The following RAPGEF6 variants were observed in gnomAD, a reference collection of about 807,000 sequenced individuals.
The protein encoded by RAPGEF6 is Rap guanine nucleotide exchange factor 6.
A neutral mutation model predicts 171.4 loss-of-function variants in RAPGEF6; 56 were observed. That is an observed-to-expected ratio of 0.33 (90% confidence interval 0.26 to 0.41). The LOEUF (loss-of-function observed/expected upper bound fraction) is 0.41, where lower values mean the gene tolerates loss of function less well. RAPGEF6 is among the 10% of genes least tolerant of loss of function. The pLI, the probability that RAPGEF6 is intolerant of heterozygous loss-of-function variation, is 1.00. For missense variants in RAPGEF6, 1,674 were observed against 1,921.4 expected, an observed-to-expected ratio of 0.87 and a Z score of 2.41; for synonymous variants, 692 against 650.1, an observed-to-expected ratio of 1.06 and a Z score of -0.98.
At chr5:131,455,250 G>A (rs1753397474) in intron 20 of RAPGEF6, among the ~76,000 whole-genome samples, 1 of 152,104 alleles carries the variant, frequency 6.6e-6, no homozygotes, top group Non-Finnish European at 1.5e-5. Context: ...ATCAGGAGAT[G>A]AGCAAATGGA....
chr5:131,602,795 T>C (rs987769908), intron 3 of RAPGEF6, among the ~76,000 whole-genome samples: 1 of 151,836 alleles, frequency 6.6e-6, no homozygotes, highest in Non-Finnish European at 1.5e-5. Flanking sequence ...AAAAGAAAAC[T>C]AGAAATAACC....
At chr5:131,610,000 G>A (rs1180329930) in intron 1 of RAPGEF6, among the ~76,000 whole-genome samples, 4 of 152,130 alleles carry the variant, frequency 2.6e-5, no homozygotes, top group African/African-American at 7.2e-5. Flanking sequence ...AGAAGCAACT[G>A]GCCTCACAGA....
chr5:131,508,012 TAA>T, intron 9 of RAPGEF6, 57 bp downstream of exon 9: 8 of 1,356,736 alleles, frequency 5.9e-6, no homozygotes, highest in Non-Finnish European at 7.9e-6. Context: ...TTATGGAAAT[TAA>T]GTTATTTTAA....
At chr5:131,547,897 C>G in intron 6 of RAPGEF6, 150 bp downstream of exon 6, 2 of 795,964 alleles carry the variant, frequency 2.5e-6, no homozygotes, top group Non-Finnish European at 3.9e-6. Context: ...TTCAACCAAA[C>G]AGAAGCATTT....
Position 131,498,048 on chromosome 5 carries a change from G to A in RAPGEF6, c.1419+395C>T, listed in dbSNP as rs940262415. ...AAAATAAAAATATTCCCATTTTGAA[G>A]CTTAAAAGCAATCTGCCCTCTTAAA... On this transcript the variant is annotated intron_variant, in intron 12 of 27. Coordinates refer to ENST00000509018, the MANE Select transcript of RAPGEF6 (RefSeq NM_016340.6). 2.6e-5 allele frequency among the ~76,000 whole-genome samples: 4 copies of A among 152,218 alleles called. No individual in the cohort carries two copies. In the East Asian group the frequency reaches 7.7e-4, roughly 29 times the overall value.
At chr5:131,579,324 G>A (rs1157596357) in intron 4 of RAPGEF6, among the ~76,000 whole-genome samples, 1 of 152,312 alleles carries the variant, frequency 6.6e-6, no homozygotes, top group South Asian at 2.1e-4. Flanking sequence ...AAAAGCAAAA[G>A]AACAAAGTTT....
At chr5:131,443,889 G>C (rs752881754) in intron 22 of RAPGEF6, among the ~76,000 whole-genome samples, 4 of 152,178 alleles carry the variant, frequency 2.6e-5, no homozygotes, top group Non-Finnish European at 5.9e-5. Context: ...TGTAACACAA[G>C]AAAACCAGAG....
chr5:131,461,928 G>A lies in RAPGEF6; in HGVS notation c.2641C>T (p.Pro881Ser), dbSNP rs1040271628. ...RDFDLFRNIE[P>S]TEYIDDLFKL... The stretch of plus-strand genomic sequence containing the variant: ...AAAAGGTCATCGATGTACTCAGTCG[G>A]TTCAATATTACGAAACAAATCAAAG... Residue 881 changes from proline (P) to serine (S), a missense_variant, in exon 19 of 28, where the codon CCG becomes TCG. Physicochemically the swap from Pro to Ser is moderately conservative, Grantham distance 74. Around this residue, in one of 3 missense-constraint regions of RAPGEF6, gnomAD observed 1,116 missense variants for 1,321.5 expected, o/e 0.84. Coordinates refer to ENST00000509018, the MANE Select transcript of RAPGEF6 (RefSeq NM_016340.6). The A allele has an allele frequency of 1.9e-6, 3 of 1,614,082 alleles. No individual in the cohort carries two copies. Among genetic ancestry groups the A allele is most frequent in the Non-Finnish European group, 2.5e-6 (3 of 1,179,988 alleles).
intron 5 of RAPGEF6, among the ~76,000 whole-genome samples, chr5:131,556,310 G>A (rs914278847): frequency 7.9e-5 from 12 of 152,112 alleles, no homozygotes; most frequent in African/African-American, 2.2e-4. Flanking sequence ...GTGGTGGTGT[G>A]TGCCTGTAAT....
At chr5:131,497,679 C>T (rs1580919989) in intron 12 of RAPGEF6, among the ~76,000 whole-genome samples, 1 of 152,252 alleles carries the variant, frequency 6.6e-6, no homozygotes, top group East Asian at 1.9e-4. Context: ...GAGAGGTGTG[C>T]AAGCCTGTAG....
intron 1 of RAPGEF6, among the ~76,000 whole-genome samples, chr5:131,618,313 A>ATT (rs1765396707): frequency 1.3e-5 from 2 of 152,188 alleles, no homozygotes; most frequent in Admixed American, 1.3e-4. Flanking sequence ...GAAAACAACT[A>ATT]ACAAATGTAA....
intron 14 of RAPGEF6, among the ~76,000 whole-genome samples, chr5:131,490,427 CTAAAA>C (rs1756205156): frequency 6.6e-6 from 1 of 151,870 alleles, no homozygotes; most frequent in Non-Finnish European, 1.5e-5. Context: ...CATCTATGCA[CTAAAA>C]TGTCTCATCT....
rs139134442 is a variant in RAPGEF6 at position 131,589,838 on chromosome 5, C to A, written c.281+2545G>T. On this transcript the variant is annotated intron_variant, in intron 4 of 27. Coordinates refer to ENST00000509018, the MANE Select transcript of RAPGEF6 (RefSeq NM_016340.6). ...AAGGGGGGTCTCCTAAGTGCCACTC[C>A]TGGTCAGCAGTTCCCTTCCCCTTCC... 2.8e-3 allele frequency among the ~76,000 whole-genome samples: 433 copies of A among 152,334 alleles called. 3 individuals are homozygous for A. The highest frequency in any genetic ancestry group is 0.01 in the African/African-American group (419 of 41,552).
intron 12 of RAPGEF6, 57 bp downstream of exon 12, chr5:131,498,386 A>C (rs576504881): frequency 7.0e-5 from 104 of 1,481,826 alleles, no homozygotes; most frequent in Non-Finnish European, 9.5e-5. Flanking sequence ...CAACTATAAA[A>C]GTTTCATGAA....
chr5:131,629,242 G>A (rs921213417), intron 1 of RAPGEF6, among the ~76,000 whole-genome samples: 1 of 152,172 alleles, frequency 6.6e-6, no homozygotes, highest in Non-Finnish European at 1.5e-5. Context: ...CACTTTGGGA[G>A]GCTGAGGTGG....
At position 131,634,863 on chromosome 5, in the gene RAPGEF6, C is replaced by G. The variant is rs149268498; in HGVS notation, c.69+99G>C. 1.6e-3 allele frequency: 2,183 copies of G among 1,349,690 alleles called. 20 individuals carry two copies. In the East Asian group the frequency reaches 0.025, roughly 15 times the overall value. The allele number at this position is 1,349,690 out of a possible 1,614,324, so 83.6% of individuals were successfully genotyped here. A position where few individuals can be genotyped will look rare whatever the true frequency, so the allele number is the denominator to read the frequency against. On this transcript the variant is annotated intron_variant, in intron 1 of 27. Transcript: ENST00000509018. Reference sequence around the variant, plus strand: ...GCGAACAGATTCCCAGTAGCAGGTGCGAGACTCTGGCAAGAGGGCAGTCGC... The same window carrying G: ...GCGAACAGATTCCCAGTAGCAGGTGGGAGACTCTGGCAAGAGGGCAGTCGC...
At chr5:131,483,471 T>C (rs564379401) in intron 15 of RAPGEF6, among the ~76,000 whole-genome samples, 1 of 146,780 alleles carries the variant, frequency 6.8e-6, no homozygotes, top group South Asian at 2.2e-4. Flanking sequence ...TTAAAAAAAA[T>C]AGGGACAAAA....
At chr5:131,598,549 GCAGT>G (rs1764038528) in intron 3 of RAPGEF6, among the ~76,000 whole-genome samples, 4 of 152,150 alleles carry the variant, frequency 2.6e-5, no homozygotes, top group Non-Finnish European at 5.9e-5. Flanking sequence ...AATCTCAGAA[GCAGT>G]CAGAGGAAAA....
chr5:131,480,529 AG>A (rs2149857523), intron 15 of RAPGEF6, among the ~76,000 whole-genome samples: 1 of 152,316 alleles, frequency 6.6e-6, no homozygotes, highest in East Asian at 1.9e-4. Context: ...CCCAGGCTGG[AG>A]TGCAGTGGCA....
Sources: allele counts gnomAD v4.1 joint callset (sites outside exome capture counted in the v4.1 genomes callset), GRCh38; gene constraint gnomAD v4.1.1; regional missense constraint gnomAD v4.1.1; transcripts MANE v1.5; gene names NCBI Gene and HGNC (gene_info 2026-07-23, HGNC 2026-07-21).